VWDE: variants seen among roughly 807,000 people sequenced by gnomAD.
VWDE encodes von Willebrand factor D and EGF domain-containing protein.
A neutral mutation model predicts 178.4 loss-of-function variants in VWDE; 207 were observed. The observed-to-expected ratio is 1.16, with a 90% CI of 1.04 to 1.30. VWDE has a LOEUF of 1.30. VWDE is among the 50% of genes most tolerant of loss of function. The pLI, the probability that VWDE is intolerant of heterozygous loss-of-function variation, is 0.00. For synonymous variants in VWDE, 738 were observed against 651.4 expected, an observed-to-expected ratio of 1.13 and a Z score of -2.02; for missense variants, 2,287 against 1,901.3, an observed-to-expected ratio of 1.20 and a Z score of -3.77.
intron 1 of VWDE, 123 bp from the exon 2 acceptor site, chr7:12,393,901 G>A: frequency 5.4e-6 from 4 of 743,420 alleles, no homozygotes; most frequent in Non-Finnish European, 8.1e-6. Flanking sequence ...TGCACATAAA[G>A]ACCCTCTGAA....
chr7:12,335,753 C>A (rs1318830112), intron 27 of VWDE, among the ~76,000 whole-genome samples: 1 of 152,120 alleles, frequency 6.6e-6, no homozygotes. Flanking sequence ...CTGCACCCGG[C>A]CTAGAGTGAT....
chr7:12,396,003 T>C (rs34091994), intron 1 of VWDE, among the ~76,000 whole-genome samples: 9 of 152,178 alleles, frequency 5.9e-5, no homozygotes, highest in Non-Finnish European at 1.0e-4. Flanking sequence ...ATATAAAATA[T>C]ACATTAAAAT....
intron 2 of VWDE, among the ~76,000 whole-genome samples, chr7:12,391,790 T>G (rs560853501): frequency 6.6e-6 from 1 of 152,316 alleles, no homozygotes; most frequent in South Asian, 2.1e-4. Context: ...GTGTCTGCAG[T>G]ATTTATAAAA....
At chr7:12,399,485 G>A (rs1784797784) in intron 1 of VWDE, among the ~76,000 whole-genome samples, 1 of 152,066 alleles carries the variant, frequency 6.6e-6, no homozygotes, top group African/African-American at 2.4e-5. Context: ...ATAATATTTG[G>A]AATCTTTAAT....
chr7:12,366,954 T>G (rs1050432764), intron 13 of VWDE, among the ~76,000 whole-genome samples: 5 of 152,044 alleles, frequency 3.3e-5, no homozygotes, highest in African/African-American at 1.2e-4. Flanking sequence ...GTAAGGAAAA[T>G]ATAAAGAATA....
chr7:12,346,157 A>G (rs1781585688), intron 19 of VWDE, among the ~76,000 whole-genome samples: 1 of 152,136 alleles, frequency 6.6e-6, no homozygotes, highest in African/African-American at 2.4e-5. Flanking sequence ...TTTGGGGTAC[A>G]CAAGATAACC....
At chr7:12,337,570 G>A (rs902141331) in intron 24 of VWDE, among the ~76,000 whole-genome samples, 8 of 152,076 alleles carry the variant, frequency 5.3e-5, no homozygotes, top group Non-Finnish European at 1.2e-4. Flanking sequence ...AATAAAGCAT[G>A]GAATGATCTA....
chr7:12,341,781 TC>T (rs1480099832), intron 23 of VWDE, among the ~76,000 whole-genome samples: 4 of 152,134 alleles, frequency 2.6e-5, no homozygotes, highest in Non-Finnish European at 5.9e-5. Flanking sequence ...TCAACACGTT[TC>T]TCTTCACCAC....
Position 12,401,685 on chromosome 7 carries a change from T to C in VWDE, c.58+1974A>G, listed in dbSNP as rs189157059. Among the ~76,000 whole-genome samples the C allele has an allele frequency of 7.9e-4, 120 of 152,280 alleles. 1 individual carries two copies. Among genetic ancestry groups the C allele is most frequent in the Non-Finnish European group, 1.6e-3 (106 of 67,986 alleles). ...TGAAGAAGTTAGAAGCTTTACACAC[T>C]GTTGCAGAAATACAAAACAGCACAG... On this transcript the variant is annotated intron_variant, in intron 1 of 28. Transcript: ENST00000275358.
intron 24 of VWDE, among the ~76,000 whole-genome samples, chr7:12,338,844 CTTTT>C (rs112643771): frequency 6.6e-6 from 1 of 152,080 alleles, no homozygotes; most frequent in Non-Finnish European, 1.5e-5. Context: ...AGTAGTTTAA[CTTTT>C]TTGTGATGTT....
At chr7:12,362,041 C>T (rs993230812) in intron 13 of VWDE, among the ~76,000 whole-genome samples, 6 of 151,974 alleles carry the variant, frequency 3.9e-5, no homozygotes, top group African/African-American at 1.4e-4. Context: ...TTTCAATACT[C>T]ATGATATTTT....
chr7:12,351,328 A>C (rs1411386335), intron 19 of VWDE, among the ~76,000 whole-genome samples: 1 of 152,138 alleles, frequency 6.6e-6, no homozygotes, highest in Non-Finnish European at 1.5e-5. Flanking sequence ...TCCAACCATA[A>C]GCTTCTCCGA....
intron 1 of VWDE, among the ~76,000 whole-genome samples, chr7:12,395,952 T>G (rs1209994344): frequency 3.3e-5 from 5 of 152,042 alleles, no homozygotes; most frequent in Non-Finnish European, 7.4e-5. Flanking sequence ...CAGAGCTTTC[T>G]GGCAAACTGA....
chr7:12,357,911 A>C (rs1782350384), intron 16 of VWDE, among the ~76,000 whole-genome samples: 1 of 149,986 alleles, frequency 6.7e-6, no homozygotes, highest in Non-Finnish European at 1.5e-5. Flanking sequence ...TTCTCCCTCT[A>C]CTCCCTTTCT....
In VWDE at chr7:12,372,976, C is replaced by T. The variant is rs1267027664; in HGVS notation, c.1587+1G>A. On this transcript the variant is annotated splice_donor_variant, in intron 10 of 28. Transcript: ENST00000275358. LOFTEE classifies it high-confidence loss of function. ...TTTCAATGTTAAAGAATCATACATA[C>T]TGTGACTTTTCTTCCTAAGTAAGAT... 1 of 1,550,534 alleles carries T rather than the reference C, an allele frequency of 6.4e-7. No homozygotes were observed. The highest frequency in any genetic ancestry group is 8.7e-7 in the Non-Finnish European group (1 of 1,146,298).
intron 28 of VWDE, among the ~76,000 whole-genome samples, chr7:12,331,650 T>C (rs1212096268): frequency 6.6e-6 from 1 of 152,164 alleles, no homozygotes; most frequent in East Asian, 1.9e-4. Context: ...CTCTAGGTAC[T>C]TCACATATAT....
intron 3 of VWDE, 79 bp from the exon 4 acceptor site, chr7:12,383,680 A>G: frequency 8.3e-7 from 1 of 1,208,212 alleles, no homozygotes; most frequent in Non-Finnish European, 1.2e-6. Flanking sequence ...ATGACAATTT[A>G]TTGAAGGATG....
At chr7:12,341,198 A>G (rs1781310661) in intron 23 of VWDE, among the ~76,000 whole-genome samples, 1 of 152,216 alleles carries the variant, frequency 6.6e-6, no homozygotes, top group Non-Finnish European at 1.5e-5. Flanking sequence ...GCAAAAATCA[A>G]GTGGATCCTT....
Position 12,369,828 on chromosome 7 carries a change from A to T in VWDE, c.2478T>A (p.Phe826Leu). The change falls in exon 12 of 29, where the codon TTT becomes TTA. Residue 826 changes from phenylalanine (F) to leucine (L), a missense_variant. Coordinates refer to ENST00000275358, the MANE Select transcript of VWDE (RefSeq NM_001135924.3). ...TAACACTGTCTAATCTCTTGCCAAG[A>T]AAAGCAAGACACAGCCTTCCTATGC... ...NSSIGRLCLA[F>L]LGKRLDSVIE... The T allele has an allele frequency of 6.4e-7, 1 of 1,551,540 alleles. No homozygotes were observed.
Sources: allele counts gnomAD v4.1 joint callset (sites outside exome capture counted in the v4.1 genomes callset), GRCh38; gene constraint gnomAD v4.1.1; transcripts MANE v1.5; gene names NCBI Gene and HGNC (gene_info 2026-07-23, HGNC 2026-07-21).